Variants in NINL observed in about 807,000 individuals in gnomAD.
NINL encodes the protein ninein-like protein.
In NINL, 153 loss-of-function variants were observed where a neutral mutation model predicts 160.3. The observed-to-expected ratio is 0.95, with a 90% confidence interval of 0.84 to 1.09. NINL has a LOEUF of 1.09. Ranked by LOEUF, NINL falls within the 50% of genes least tolerant of loss-of-function variation. The pLI is 0.00. For missense variants in NINL, 1,829 were observed against 1,764.0 expected (o/e 1.04, Z -0.66); for synonymous variants, 800 against 734.8 (o/e 1.09, Z -1.43).
At chr20:25,468,254 G>T (rs568099098) in intron 18 of NINL, among the ~76,000 whole-genome samples, 3 of 128,476 alleles carry the variant, frequency 2.3e-5, no homozygotes, top group African/African-American at 9.1e-5. Flanking sequence ...CTCTGTCCCC[G>T]CCAACTCTCA....
rs555021353 is a variant in NINL at position 25,493,455 on chromosome 20, G to A, written c.1311-1930C>T. 2.0e-5 allele frequency among the ~76,000 whole-genome samples: 3 copies of A among 152,268 alleles called. No individual in the cohort carries two copies. In the South Asian group the frequency reaches 6.2e-4, roughly 32 times the overall value. Reference sequence around the variant, plus strand: ...ACAACAGAGCCGTCAGGAGAAAGGAGGGGGCGTCCAGGGAGAGGAAATGAG... The same window carrying A: ...ACAACAGAGCCGTCAGGAGAAAGGAAGGGGCGTCCAGGGAGAGGAAATGAG... On this transcript the variant is annotated intron_variant, in intron 10 of 23. Coordinates refer to ENST00000278886, the MANE Select transcript of NINL (RefSeq NM_025176.6).
At chr20:25,506,961 C>T (rs543644547) in intron 5 of NINL, among the ~76,000 whole-genome samples, 2 of 152,286 alleles carry the variant, frequency 1.3e-5, no homozygotes, top group East Asian at 3.9e-4. Context: ...CAGGATTTTC[C>T]CAAGTGTCTC....
chr20:25,499,099 T>C (rs1298363232), intron 8 of NINL: 1 of 985,318 alleles, frequency 1.0e-6, no homozygotes, highest in Non-Finnish European at 1.2e-6. Flanking sequence ...CTGAAGCAGG[T>C]GCCAGGACGT....
chr20:25,572,321 T>C (rs548949548), intron 1 of NINL, among the ~76,000 whole-genome samples: 1 of 151,174 alleles, frequency 6.6e-6, no homozygotes, highest in African/African-American at 2.4e-5. Flanking sequence ...TTCTTAACAC[T>C]CCCTCCCTGG....
intron 3 of NINL, among the ~76,000 whole-genome samples, chr20:25,514,404 T>C (rs1458944343): frequency 6.6e-6 from 1 of 152,224 alleles, no homozygotes; most frequent in Non-Finnish European, 1.5e-5. Context: ...CATAAGCTTA[T>C]ATTCATGAGC....
At chr20:25,539,406 G>A (rs2147044792) in intron 1 of NINL, among the ~76,000 whole-genome samples, 1 of 152,344 alleles carries the variant, frequency 6.6e-6, no homozygotes, top group Non-Finnish European at 1.5e-5. Flanking sequence ...AGGCAGCTCA[G>A]GTCTGGGCAA....
At chr20:25,489,688 C>T (rs577956913) in intron 12 of NINL, among the ~76,000 whole-genome samples, 187 bp downstream of exon 12, 16 of 152,250 alleles carry the variant, frequency 1.1e-4, no homozygotes, top group African/African-American at 3.9e-4. Flanking sequence ...TGTGGGCAGA[C>T]GGCCCCCCAC....
chr20:25,522,063 C>T (rs1307155498), intron 2 of NINL, among the ~76,000 whole-genome samples: 1 of 151,982 alleles, frequency 6.6e-6, no homozygotes, highest in East Asian at 1.9e-4. Context: ...GTACCACCAC[C>T]CCCAGCTAAT....
intron 1 of NINL, among the ~76,000 whole-genome samples, chr20:25,552,612 G>A (rs989605347): frequency 6.6e-6 from 1 of 152,170 alleles, no homozygotes; most frequent in African/African-American, 2.4e-5. Context: ...AATCACGGAG[G>A]GGCCACAAGC....
chr20:25,493,968 C>T (rs577352536), intron 10 of NINL, among the ~76,000 whole-genome samples: 140 of 152,152 alleles, frequency 9.2e-4, no homozygotes, highest in African/African-American at 3.1e-3. Context: ...TGAAAATGAC[C>T]ACAGTCCCAC....
In NINL at chr20:25,519,989, C is replaced by CAAAAAA. The variant is rs59160061; in HGVS notation, c.181-2146_181-2141dup. 3.9e-3 allele frequency among the ~76,000 whole-genome samples: 47 copies of CAAAAAA among 12,124 alleles called. 14 individuals are homozygous for CAAAAAA. The highest frequency in any genetic ancestry group is 7.5e-3 in the Non-Finnish European group (36 of 4,832). 8.0% of individuals were successfully genotyped at this position (12,124 alleles called of 152,430 possible). ...TGGGTGACGAAGTGAGACCCCGTCT[C>CAAAAAA]AAAAAAAAAAAAAAAAAAAAAAAAA... On this transcript the variant is annotated intron_variant, in intron 2 of 23. Coordinates refer to ENST00000278886, the MANE Select transcript of NINL (RefSeq NM_025176.6).
intron 1 of NINL, among the ~76,000 whole-genome samples, chr20:25,584,208 C>T (rs977606549): frequency 2.0e-5 from 3 of 152,188 alleles, no homozygotes; most frequent in African/African-American, 4.8e-5. Context: ...CAGTGGCTCA[C>T]GCCTGTAATC....
At chr20:25,580,363 C>T (rs2065160516) in intron 1 of NINL, among the ~76,000 whole-genome samples, 1 of 151,976 alleles carries the variant, frequency 6.6e-6, no homozygotes. Context: ...ATGATTGCCC[C>T]TTATGAGATA....
At chr20:25,575,283 C>A (rs989172156) in intron 1 of NINL, among the ~76,000 whole-genome samples, 3 of 150,692 alleles carry the variant, frequency 2.0e-5, no homozygotes, top group African/African-American at 7.3e-5. Context: ...CCCGTCTCTA[C>A]TAAAAATACA....
chr20:25,583,622 G>A (rs1042609771), intron 1 of NINL, among the ~76,000 whole-genome samples: 3 of 152,140 alleles, frequency 2.0e-5, no homozygotes, highest in Non-Finnish European at 4.4e-5. Context: ...TCCCATTACT[G>A]GGTATATACC....
At chr20:25,489,391 C>T (rs956145703) in intron 12 of NINL, 67 bp from the exon 13 acceptor site, 7 of 1,440,722 alleles carry the variant, frequency 4.9e-6, no homozygotes, top group Admixed American at 3.4e-5. Context: ...CTTCTCCAGC[C>T]CCTGGGCTCC....
intron 3 of NINL, among the ~76,000 whole-genome samples, chr20:25,513,528 T>A (rs554772659): frequency 1.3e-5 from 2 of 151,460 alleles, no homozygotes; most frequent in East Asian, 3.9e-4. Context: ...GCAGGCACCA[T>A]CAAGGACTGG....
chr20:25,501,118 G>T, intron 7 of NINL, 108 bp from the exon 8 acceptor site: 1 of 1,405,502 alleles, frequency 7.1e-7, no homozygotes. Flanking sequence ...GGCCTCACAG[G>T]AACAGCTCAT....
intron 2 of NINL, among the ~76,000 whole-genome samples, chr20:25,526,044 C>T (rs1289487939): frequency 2.0e-5 from 3 of 152,198 alleles, no homozygotes; most frequent in East Asian, 1.9e-4. Flanking sequence ...GGGACTGTGA[C>T]GCTCTCTCTG....
Sources: gnomAD v4.1 joint callset for allele counts (sites outside exome capture counted in the v4.1 genomes callset) on GRCh38, gnomAD v4.1.1 for gene constraint, MANE v1.5 for transcripts, NCBI Gene and HGNC (gene_info 2026-07-23, HGNC 2026-07-21) for gene names.